Variants in SLC5A7 observed in about 807,000 individuals in gnomAD.
SLC5A7 encodes solute carrier family 5 member 7, also known as high affinity choline transporter 1.
Under a neutral mutation model 55.4 loss-of-function variants are expected in SLC5A7, and 19 were observed. The observed-to-expected ratio is 0.34, with a 90% CI of 0.24 to 0.50. The LOEUF is 0.50. Ranked by LOEUF, SLC5A7 falls within the 20% of genes least tolerant of loss-of-function variation. The pLI is 0.98. For missense variants in SLC5A7, 506 were observed against 705.3 expected (o/e 0.72, Z 3.20); for synonymous variants, 265 against 263.7 (o/e 1.00, Z -0.05).
At position 107,997,366 on chromosome 2, in the gene SLC5A7, G is replaced by T. The variant is rs144201388; in HGVS notation, c.449-472G>T. On this transcript the variant is annotated intron_variant, in intron 4 of 8. Transcript: ENST00000264047. The stretch of plus-strand genomic sequence containing the variant: ...CAATAGGCCATACCATGTAGCCTAG[G>T]TGTGTAGTAGGTTACACCATCAAGA... 6.7e-3 allele frequency among the ~76,000 whole-genome samples: 1,023 copies of T among 152,294 alleles called. 4 individuals carry two copies. The highest frequency in any genetic ancestry group is 0.017 in the Middle Eastern group (5 of 292).
intron 7 of SLC5A7, among the ~76,000 whole-genome samples, chr2:108,007,152 C>G (rs1678156804): frequency 1.3e-5 from 2 of 151,962 alleles, no homozygotes; most frequent in Admixed American, 1.3e-4. Context: ...CATGTTAATC[C>G]AAATTCAAAG....
At chr2:107,995,470 A>AGTGTGTGTGT (rs57328827) in intron 4 of SLC5A7, among the ~76,000 whole-genome samples, 77 of 137,254 alleles carry the variant, frequency 5.6e-4, no homozygotes, top group African/African-American at 2.0e-3. Flanking sequence ...AGAGAGAGAG[A>AGTGTGTGTGT]GTGTGTGTGT....
chr2:107,987,953 T>TATTGTTA (rs1677311043), intron 1 of SLC5A7, among the ~76,000 whole-genome samples, 152 bp from the exon 2 acceptor site: 1 of 152,214 alleles, frequency 6.6e-6, no homozygotes, highest in Admixed American at 6.5e-5. Flanking sequence ...AGTGGACACT[T>TATTGTTA]ATTGTTAACT....
intron 2 of SLC5A7, among the ~76,000 whole-genome samples, chr2:107,991,154 T>C (rs1463897164): frequency 1.3e-5 from 2 of 152,206 alleles, no homozygotes; most frequent in African/African-American, 2.4e-5. Context: ...AAAATATTAA[T>C]CTGTAGATCA....
Position 108,001,897 on chromosome 2 carries a change from T to G in SLC5A7, c.598T>G (p.Trp200Gly). The G allele has an allele frequency of 6.2e-7, 1 of 1,613,856 alleles. No homozygotes were observed. Among genetic ancestry groups the G allele is most frequent in the Non-Finnish European group, 8.5e-7 (1 of 1,179,852 alleles). Residue 200 changes from tryptophan to glycine, a missense_variant and splice_region_variant, in exon 6 of 9, where the codon TGG (tryptophan) becomes GGG (glycine). Coordinates refer to ENST00000264047, the MANE Select transcript of SLC5A7 (RefSeq NM_021815.5). ...GCTCCAGTGTCACTTTCTGTTGCAG[T>G]GGATCAGCGTCCCCTTTGCATTGTC... The part of the protein sequence containing the change: ...VQLFCIFVGL[W>G]ISVPFALSHP...
intron 5 of SLC5A7, among the ~76,000 whole-genome samples, chr2:107,998,190 T>G (rs1389448396): frequency 6.6e-6 from 1 of 152,210 alleles, no homozygotes; most frequent in Non-Finnish European, 1.5e-5. Context: ...AAAAGTGTGC[T>G]CTCCATTGGA....
chr2:108,004,762 T>C (rs1319479360), intron 6 of SLC5A7, among the ~76,000 whole-genome samples: 1 of 152,140 alleles, frequency 6.6e-6, no homozygotes, highest in Non-Finnish European at 1.5e-5. Context: ...TTAGTTTCTC[T>C]CTCAGGTACT....
chr2:108,001,667 C>T (rs567767414), intron 5 of SLC5A7, among the ~76,000 whole-genome samples: 19 of 122,622 alleles, frequency 1.5e-4, no homozygotes, highest in African/African-American at 5.2e-4. Flanking sequence ...AGCGAGACTC[C>T]GTCTCAAAAA....
chr2:108,004,536 A>G (rs1328879218), intron 6 of SLC5A7, among the ~76,000 whole-genome samples: 1 of 152,184 alleles, frequency 6.6e-6, no homozygotes, highest in Non-Finnish European at 1.5e-5. Flanking sequence ...ACCTTAATAC[A>G]TTGTGCTATG....
chr2:107,993,392 T>G (rs2104343634), intron 4 of SLC5A7, among the ~76,000 whole-genome samples: 1 of 152,314 alleles, frequency 6.6e-6, no homozygotes, highest in East Asian at 1.9e-4. Flanking sequence ...TCAATTTGCT[T>G]TTATGAGTCA....
intron 2 of SLC5A7, among the ~76,000 whole-genome samples, chr2:107,990,404 A>G (rs1677409840): frequency 6.6e-6 from 1 of 152,202 alleles, no homozygotes; most frequent in Non-Finnish European, 1.5e-5. Flanking sequence ...TACTTTATGC[A>G]GTAAAACATT....
chr2:108,009,991 C>T (rs1257958423), intron 8 of SLC5A7, among the ~76,000 whole-genome samples: 2 of 152,162 alleles, frequency 1.3e-5, no homozygotes, highest in African/African-American at 4.8e-5. Flanking sequence ...CAGGAAAAGG[C>T]TCAGGTGGCC....
At chr2:107,997,214 A>G (rs541423518) in intron 4 of SLC5A7, among the ~76,000 whole-genome samples, 32 of 152,362 alleles carry the variant, frequency 2.1e-4, no homozygotes, top group African/African-American at 7.5e-4. Context: ...AGATTATAAT[A>G]GCATATTTTT....
chr2:107,995,278 A>G lies in SLC5A7; in HGVS notation c.448+2151A>G, dbSNP rs554421268. ...GCAATAGGACTTTTTCAGCTTCATTATGATTTTATGAGAATTTATGTATTT... is the reference window on the plus strand; with the variant it reads ...GCAATAGGACTTTTTCAGCTTCATTGTGATTTTATGAGAATTTATGTATTT... On this transcript the variant is annotated intron_variant, in intron 4 of 8. Coordinates refer to ENST00000264047, the MANE Select transcript of SLC5A7 (RefSeq NM_021815.5). 2.0e-5 allele frequency among the ~76,000 whole-genome samples: 3 copies of G among 152,324 alleles called. No individual in the cohort carries two copies. In the South Asian group the frequency reaches 6.2e-4, roughly 32 times the overall value.
rs1350960167 is a variant in SLC5A7 at position 108,007,691 on chromosome 2, A to G, written c.896-774A>G. On this transcript the variant is annotated intron_variant, in intron 7 of 8. Transcript: ENST00000264047. ...GTAATAGAAAATGAGGGAAGAAAAA[A>G]TGGTAGGATCCAAAGAGAACAATTC... 2.6e-5 allele frequency among the ~76,000 whole-genome samples: 4 copies of G among 152,216 alleles called. No homozygotes were observed. The East Asian group carries it at 7.7e-4, about 29-fold the overall frequency.
chr2:107,992,208 G>C lies in SLC5A7; in HGVS notation c.281G>C (p.Ser94Thr). The C allele has an allele frequency of 1.2e-6, 2 of 1,609,496 alleles. No individual in the cohort carries two copies. Among genetic ancestry groups the C allele is most frequent in the Non-Finnish European group, 1.7e-6 (2 of 1,175,930 alleles). Reference sequence around the variant, plus strand: ...CAGGCACCAATTGGATATTCTCTTAGTCTGATTTTAGGTAAGTGAAAGTGC... The same window carrying C: ...CAGGCACCAATTGGATATTCTCTTACTCTGATTTTAGGTAAGTGAAAGTGC... Reference protein sequence around the residue: ...WAQAPIGYSLSLILGGLFFAK... With the variant: ...WAQAPIGYSLTLILGGLFFAK... The change falls in exon 3 of 9, where the codon AGT becomes ACT. Residue 94 changes from serine to threonine, a missense_variant. Ser to Thr is a moderately conservative substitution (Grantham distance 58). Transcript: ENST00000264047.
At chr2:107,987,703 T>C (rs1191915533) in intron 1 of SLC5A7, among the ~76,000 whole-genome samples, 1 of 152,208 alleles carries the variant, frequency 6.6e-6, no homozygotes, top group Non-Finnish European at 1.5e-5. Context: ...TTAACACTTC[T>C]AGAATAAATA....
rs752294360 is a variant in SLC5A7 at position 108,010,729 on chromosome 2, T to C, written c.1611T>C (p.Ile537=). The part of the protein sequence containing the change: ...DKTILVKNEN[I]KLDELALVKP... ...CAATTCTTGTCAAAAATGAAAATAT[T>C]AAATTAGATGAACTTGCACTTGTGA... Residue 537 remains isoleucine (I), a synonymous_variant, in exon 9 of 9, where the codon ATT becomes ATC. Transcript: ENST00000264047. 5 of 1,613,806 alleles carry C rather than the reference T, an allele frequency of 3.1e-6. No homozygotes were observed. The South Asian group carries it at 5.5e-5, about 18-fold the overall frequency.
intron 6 of SLC5A7, among the ~76,000 whole-genome samples, chr2:108,005,305 G>A (rs1345652203): frequency 6.6e-6 from 1 of 152,104 alleles, no homozygotes; most frequent in African/African-American, 2.4e-5. Flanking sequence ...ACATTGCCTG[G>A]CACATGATTG....
Sources: gnomAD v4.1 joint callset for allele counts (sites outside exome capture counted in the v4.1 genomes callset) on GRCh38, gnomAD v4.1.1 for gene constraint, MANE v1.5 for transcripts, NCBI Gene and HGNC (gene_info 2026-07-23, HGNC 2026-07-21) for gene names.